The following SCN8A variants were observed in gnomAD, a reference collection of about 807,000 sequenced individuals.
The protein encoded by SCN8A is sodium channel protein type 8 subunit alpha.
Under a neutral mutation model 184.1 loss-of-function variants are expected in SCN8A, and 30 were observed. That is an observed-to-expected ratio of 0.16 (90% CI 0.12 to 0.22). The LOEUF (loss-of-function observed/expected upper bound fraction) is 0.22, where lower values mean the gene tolerates loss of function less well. Among genes scored for constraint, SCN8A ranks in the 10% least tolerant of loss-of-function variants. The probability of loss-of-function intolerance (pLI) is 1.00; values close to 1 mark genes in which losing one functional copy is unlikely to be tolerated. For synonymous variants in SCN8A, 852 were observed against 907.0 expected, an observed-to-expected ratio of 0.94 and a Z score of 1.09; for missense variants, 1,057 against 2,498.9, an observed-to-expected ratio of 0.42 and a Z score of 12.30.
intron 11 of SCN8A, among the ~76,000 whole-genome samples, chr12:51,709,251 A>G (rs537397454): frequency 3.7e-4 from 57 of 152,298 alleles, no homozygotes; most frequent in African/African-American, 1.3e-3. Context: ...TTAGACAAGG[A>G]TAGGCAAATG....
chr12:51,645,963 A>AAAT (rs1555212655), intron 1 of SCN8A, among the ~76,000 whole-genome samples: 4,483 of 133,994 alleles, frequency 0.033, 215 homozygotes, highest in African/African-American at 0.11. Flanking sequence ...AAAAAAAAAA[A>AAAT]AATAATAATA....
chr12:51,631,935 C>T (rs1235705731), intron 1 of SCN8A, among the ~76,000 whole-genome samples: 1 of 152,184 alleles, frequency 6.6e-6, no homozygotes, highest in East Asian at 1.9e-4. Context: ...CTATTCTTGG[C>T]CCAGCTATGC....
At chr12:51,683,752 C>G (rs1369317568) in intron 2 of SCN8A, among the ~76,000 whole-genome samples, 3 of 152,184 alleles carry the variant, frequency 2.0e-5, no homozygotes. Flanking sequence ...AATTTAAACT[C>G]TTCGGGCCAA....
intron 26 of SCN8A, among the ~76,000 whole-genome samples, chr12:51,800,289 C>T (rs1938520751): frequency 6.6e-6 from 1 of 152,236 alleles, no homozygotes; most frequent in South Asian, 2.1e-4. Context: ...GGTACAGCAG[C>T]TGCAGTTGGA....
rs1941116739 is a variant in SCN8A, at chr12:51,670,772, C to T, written c.276+7679C>T. 2.0e-5 allele frequency among the ~76,000 whole-genome samples: 3 copies of T among 151,974 alleles called. No homozygotes were observed. In the South Asian group the frequency reaches 6.2e-4, roughly 32 times the overall value. The stretch of plus-strand genomic sequence containing the variant: ...GGAAATTAAGGGGATTGGATGAATT[C>T]AATATGATTTATGATAGATTATGGA... On this transcript the variant is annotated intron_variant, in intron 2 of 26. Coordinates refer to ENST00000627620, the MANE Select transcript of SCN8A (RefSeq NM_001330260.2).
At chr12:51,739,844 A>G (rs1275528778) in intron 12 of SCN8A, among the ~76,000 whole-genome samples, 2 of 152,238 alleles carry the variant, frequency 1.3e-5, no homozygotes, top group Non-Finnish European at 2.9e-5. Context: ...TAGAAGTGTG[A>G]AGTGGGAAAT....
At chr12:51,618,602 G>A (rs1002410308) in intron 1 of SCN8A, among the ~76,000 whole-genome samples, 1 of 152,100 alleles carries the variant, frequency 6.6e-6, no homozygotes, top group Non-Finnish European at 1.5e-5. Flanking sequence ...ATTTTTCAGA[G>A]TCATTAAGTA....
intron 1 of SCN8A, among the ~76,000 whole-genome samples, chr12:51,594,162 C>A (rs1294178744): frequency 6.6e-6 from 1 of 152,288 alleles, no homozygotes; most frequent in South Asian, 2.1e-4. Flanking sequence ...ACAGGAATCT[C>A]CTTTATGGGA....
In SCN8A at chr12:51,806,650, A is replaced by G; in HGVS notation, c.5164A>G (p.Ser1722Gly). 4 of 1,614,162 alleles carry G rather than the reference A, an allele frequency of 2.5e-6. No homozygotes were observed. Among genetic ancestry groups the G allele is most frequent in the Non-Finnish European group, 3.4e-6 (4 of 1,180,014 alleles). Residue 1722 changes from serine (S) to glycine (G), a missense_variant, in exon 27 of 27, where the codon AGC becomes GGC. By Grantham distance (56) the Ser-to-Gly change is moderately conservative (BLOSUM62 0). Around this residue, in one of 19 missense-constraint regions of SCN8A, gnomAD observed 21 missense variants for 42.3 expected, o/e 0.50. Coordinates refer to ENST00000627620, the MANE Select transcript of SCN8A (RefSeq NM_001330260.2). This position sits in a 1 kb window ranked among gnomAD's most constrained non-coding sequence, Gnocchi z 8.7. ...LPILNRPPDC[S>G]LDKEHPGSGF... ...CATCCTAAACCGCCCCCCTGACTGCAGCCTAGATAAGGAACACCCAGGGAG... is the reference window on the plus strand; with the variant it reads ...CATCCTAAACCGCCCCCCTGACTGCGGCCTAGATAAGGAACACCCAGGGAG...
rs1376750315 is a variant in SCN8A, at chr12:51,770,633, T to C, written c.3595T>C (p.Trp1199Arg). 2 of 1,614,154 alleles carry C rather than the reference T, an allele frequency of 1.2e-6. No homozygotes were observed. The change falls in exon 19 of 27, where the codon TGG (tryptophan) becomes CGG (arginine). Residue 1199 changes from tryptophan (W) to arginine (R), a missense_variant. Coordinates refer to ENST00000627620, the MANE Select transcript of SCN8A (RefSeq NM_001330260.2). ...KTCFLIVEHNWFETFIIFMIL... is the reference protein window; with the variant it reads ...KTCFLIVEHNRFETFIIFMIL... The stretch of plus-strand genomic sequence containing the variant: ...CTGCTTCCTCATCGTGGAGCACAAC[T>C]GGTTTGAGACCTTCATCATCTTCAT...
intron 1 of SCN8A, among the ~76,000 whole-genome samples, chr12:51,619,705 T>C (rs1454688290): frequency 6.6e-6 from 1 of 152,214 alleles, no homozygotes; most frequent in African/African-American, 2.4e-5. Flanking sequence ...CTTACCCTTC[T>C]AATTCTAGTA....
intron 1 of SCN8A, among the ~76,000 whole-genome samples, chr12:51,657,882 C>T (rs1401279377): frequency 6.6e-6 from 1 of 152,068 alleles, no homozygotes; most frequent in African/African-American, 2.4e-5. Context: ...ATTATCCCTC[C>T]CCAATGAATG....
intron 14 of SCN8A, among the ~76,000 whole-genome samples, chr12:51,752,189 A>G (rs1313801661): frequency 6.6e-6 from 1 of 152,176 alleles, no homozygotes; most frequent in Non-Finnish European, 1.5e-5. Context: ...AGTAGCTGTG[A>G]TTTGAGGATT....
intron 9 of SCN8A, among the ~76,000 whole-genome samples, chr12:51,704,097 G>C (rs554378369): frequency 1.3e-5 from 2 of 151,728 alleles, no homozygotes; most frequent in South Asian, 4.2e-4. Flanking sequence ...TCACCATGTT[G>C]GTTGGCCAGG....
intron 1 of SCN8A, among the ~76,000 whole-genome samples, chr12:51,602,621 A>ACAAT (rs367598313): frequency 2.4e-4 from 37 of 152,272 alleles, no homozygotes; most frequent in Middle Eastern, 3.4e-3. Flanking sequence ...ATATTTTACC[A>ACAAT]CAATCAATCA....
Position 51,794,764 on chromosome 12 carries a change from A to C in SCN8A, c.4795+123A>C, listed in dbSNP as rs1316921512. The stretch of plus-strand genomic sequence containing the variant: ...TGCAGGCAAGATACCCTCATAGCTT[A>C]AGTCCATGTGTGCCCCTGAGTCATC... On this transcript the variant is annotated intron_variant, in intron 26 of 26. Coordinates refer to ENST00000627620, the MANE Select transcript of SCN8A (RefSeq NM_001330260.2). The C allele has an allele frequency of 6.3e-6, 6 of 951,276 alleles. No individual in the cohort carries two copies. In the African/African-American group the frequency reaches 8.2e-5, roughly 13 times the overall value. The allele number at this position is 951,276 out of a possible 1,614,324, so 58.9% of individuals were successfully genotyped here.
In SCN8A at chr12:51,745,898, T is replaced by TA; in HGVS notation, c.1999-2dup. On this transcript the variant is annotated splice_region_variant and splice_polypyrimidine_tract_variant and intron_variant, in intron 12 of 26. Transcript: ENST00000627620. ...CTATTTGCTTTTCTTTTTTTTTTTT[T>TA]AAAGGCTACAACTGAGGTGGAAATT... is the stretch of plus-strand genomic sequence containing the variant. 1.9e-6 allele frequency: 3 copies of TA among 1,544,898 alleles called. No homozygotes were observed. The highest frequency in any genetic ancestry group is 1.7e-6 in the Non-Finnish European group (2 of 1,150,812).
At chr12:51,721,024 G>A (rs868817982) in intron 11 of SCN8A, among the ~76,000 whole-genome samples, 6 of 141,480 alleles carry the variant, frequency 4.2e-5, no homozygotes, top group Admixed American at 1.4e-4. Flanking sequence ...CCAAGATAGC[G>A]CCACCACACT....
chr12:51,719,852 G>A (rs867328757), intron 11 of SCN8A, among the ~76,000 whole-genome samples: 25 of 152,106 alleles, frequency 1.6e-4, no homozygotes, highest in African/African-American at 3.6e-4. Context: ...CGAGGCGGGC[G>A]GATCACGAGG....
Sources: allele counts gnomAD v4.1 joint callset (sites outside exome capture counted in the v4.1 genomes callset), GRCh38; gene constraint gnomAD v4.1.1; regional missense constraint gnomAD v4.1.1; non-coding constraint Gnocchi (gnomAD v3.1); transcripts MANE v1.5; gene names NCBI Gene and HGNC (gene_info 2026-07-23, HGNC 2026-07-21).